TMEM132D: variants seen among roughly 807,000 people sequenced by gnomAD.
The protein encoded by TMEM132D is mature OL transmembrane protein.
Under a neutral mutation model 62.3 loss-of-function variants are expected in TMEM132D, and 21 were observed. The observed-to-expected ratio is 0.34, with a 90% CI of 0.24 to 0.49. The LOEUF (loss-of-function observed/expected upper bound fraction) is 0.49, where lower values mean the gene tolerates loss of function less well. TMEM132D is among the 20% of genes least tolerant of loss of function. TMEM132D has a pLI of 0.99. For synonymous variants in TMEM132D, 621 were observed against 575.6 expected (o/e 1.08, Z -1.13); for missense variants, 1,346 against 1,402.8 (o/e 0.96, Z 0.65).
chr12:129,783,865 G>A (rs61943429), intron 1 of TMEM132D, among the ~76,000 whole-genome samples: 9,065 of 152,212 alleles, frequency 0.06, 317 homozygotes, highest in East Asian at 0.1. Context: ...TGGCAGAAAG[G>A]GTCACAAATT....
intron 1 of TMEM132D, among the ~76,000 whole-genome samples, chr12:129,864,859 T>C (rs1874009190): frequency 6.6e-6 from 1 of 152,204 alleles, no homozygotes; most frequent in Non-Finnish European, 1.5e-5. Flanking sequence ...AGATAGTCCG[T>C]GTCCTCTGAG....
chr12:129,135,649 A>G (rs1223543025), intron 5 of TMEM132D, among the ~76,000 whole-genome samples: 1 of 84,088 alleles, frequency 1.2e-5, no homozygotes, highest in Non-Finnish European at 3.1e-5. Context: ...GCCTTAGAAC[A>G]AATAGTTTTT....
intron 3 of TMEM132D, among the ~76,000 whole-genome samples, chr12:129,439,431 G>C (rs774229481): frequency 2.6e-4 from 40 of 152,062 alleles, no homozygotes; most frequent in African/African-American, 9.7e-4. Context: ...TGTTCTCCAA[G>C]CACTGGAGTT....
intron 2 of TMEM132D, among the ~76,000 whole-genome samples, chr12:129,685,275 T>C (rs549626794): frequency 1.3e-4 from 20 of 152,094 alleles, no homozygotes; most frequent in African/African-American, 4.3e-4. Flanking sequence ...GAGGAAAAAA[T>C]GGTTTCTTGG....
intron 1 of TMEM132D, among the ~76,000 whole-genome samples, chr12:129,746,192 A>T (rs1236388593): frequency 1.3e-5 from 2 of 152,384 alleles, no homozygotes; most frequent in East Asian, 3.9e-4. Flanking sequence ...AAGGGAGCAC[A>T]GTAAGAGAAT....
intron 4 of TMEM132D, among the ~76,000 whole-genome samples, chr12:129,260,241 G>A (rs1880517081): frequency 1.3e-5 from 2 of 152,170 alleles, no homozygotes; most frequent in Admixed American, 6.5e-5. Context: ...AGAGAACATA[G>A]TATGTCTGAC....
At chr12:129,639,031 A>G (rs1462330840) in intron 2 of TMEM132D, among the ~76,000 whole-genome samples, 1 of 152,166 alleles carries the variant, frequency 6.6e-6, no homozygotes, top group South Asian at 2.1e-4. Flanking sequence ...CTGGAAATGG[A>G]CTTCAACAGG....
chr12:129,605,587 TTA>T (rs71301340), intron 2 of TMEM132D, among the ~76,000 whole-genome samples: 22 of 107,336 alleles, frequency 2.0e-4, no homozygotes, highest in Admixed American at 5.8e-4. Context: ...AAATTAGGCA[TTA>T]TATATATATA....
chr12:129,821,534 G>A (rs1291711651), intron 1 of TMEM132D, among the ~76,000 whole-genome samples: 3 of 152,202 alleles, frequency 2.0e-5, no homozygotes, highest in Non-Finnish European at 2.9e-5. Context: ...AGGAAGCCAC[G>A]TAAGGATTTC....
At chr12:129,156,889 T>C (rs996583821) in intron 5 of TMEM132D, among the ~76,000 whole-genome samples, 1 of 151,898 alleles carries the variant, frequency 6.6e-6, no homozygotes, top group African/African-American at 2.4e-5. Flanking sequence ...CTGAGATAAA[T>C]AACCCACTCC....
chr12:129,617,595 G>A (rs1055462754), intron 2 of TMEM132D, among the ~76,000 whole-genome samples: 5 of 152,084 alleles, frequency 3.3e-5, no homozygotes, highest in Admixed American at 6.6e-5. Context: ...GCAGCAGTGC[G>A]GTTCTATTTG....
At position 129,271,572 on chromosome 12, in the gene TMEM132D, C is replaced by T. The variant is rs181551231; in HGVS notation, c.1300-61909G>A. On this transcript the variant is annotated intron_variant, in intron 4 of 8. Transcript: ENST00000422113. ...CTCTCCCTCCCCTTGCCCCCCACCC[C>T]CTAACAGGGCCCGGTGTATGATGTT... Among the ~76,000 whole-genome samples, 18 of 151,586 alleles carry T rather than the reference C, an allele frequency of 1.2e-4. 1 individual carries two copies. The highest frequency in any genetic ancestry group is 4.4e-4 in the African/African-American group (18 of 41,006).
At chr12:129,439,291 T>C (rs1021002859) in intron 3 of TMEM132D, among the ~76,000 whole-genome samples, 34 of 152,232 alleles carry the variant, frequency 2.2e-4, no homozygotes, top group Non-Finnish European at 3.8e-4. Context: ...TATTTTATTA[T>C]GAGTCATTAT....
At chr12:129,419,263 G>A (rs892881960) in intron 3 of TMEM132D, among the ~76,000 whole-genome samples, 7 of 152,142 alleles carry the variant, frequency 4.6e-5, no homozygotes, top group Non-Finnish European at 1.5e-5. Context: ...CCGAACCTCT[G>A]CCTGGCCAAT....
chr12:129,384,946 C>A (rs570725321), intron 3 of TMEM132D, among the ~76,000 whole-genome samples: 2 of 152,250 alleles, frequency 1.3e-5, no homozygotes, highest in East Asian at 3.9e-4. Context: ...ATCAGCCCAC[C>A]TGCAACAGAA....
chr12:129,606,184 T>A (rs1034618717), intron 2 of TMEM132D, among the ~76,000 whole-genome samples: 2 of 152,212 alleles, frequency 1.3e-5, no homozygotes, highest in African/African-American at 4.8e-5. Flanking sequence ...CGATTCTAGA[T>A]GGAACCCTAG....
intron 4 of TMEM132D, among the ~76,000 whole-genome samples, chr12:129,234,429 G>A (rs765668056): frequency 6.6e-4 from 100 of 152,238 alleles, no homozygotes; most frequent in African/African-American, 1.5e-3. Flanking sequence ...TTTCACACCC[G>A]TTCCAGGAGA....
chr12:129,424,892 A>G (rs1041493493), intron 3 of TMEM132D, among the ~76,000 whole-genome samples: 16 of 152,136 alleles, frequency 1.1e-4, no homozygotes, highest in Admixed American at 2.0e-4. Flanking sequence ...AGTGAATTTT[A>G]GGACGTTTTC....
Position 129,800,631 on chromosome 12 carries a change from G to A in TMEM132D, c.80-99933C>T, listed in dbSNP as rs544000779. The stretch of plus-strand genomic sequence containing the variant: ...CAGTAAACAAAACATCCCTCCCTCC[G>A]AGCACCTTTGCTCCCAAACGTCACT... On this transcript the variant is annotated intron_variant, in intron 1 of 8. Coordinates refer to ENST00000422113, the MANE Select transcript of TMEM132D (RefSeq NM_133448.3). 2.9e-4 allele frequency among the ~76,000 whole-genome samples: 44 copies of A among 152,216 alleles called. No individual in the cohort carries two copies. The East Asian group carries it at 3.1e-3, about 11-fold the overall frequency.
Sources: allele counts gnomAD v4.1 joint callset (sites outside exome capture counted in the v4.1 genomes callset), GRCh38; gene constraint gnomAD v4.1.1; transcripts MANE v1.5; gene names NCBI Gene and HGNC (gene_info 2026-07-23, HGNC 2026-07-21).